Variants in ADCY1 observed in about 807,000 individuals in gnomAD.
The protein encoded by ADCY1 is adenylate cyclase type 1.
Under a neutral mutation model 105.4 loss-of-function variants are expected in ADCY1, and 28 were observed. The observed-to-expected ratio is 0.27, with a 90% CI of 0.20 to 0.36. The LOEUF (loss-of-function observed/expected upper bound fraction) is 0.36. ADCY1 is among the 10% of genes least tolerant of loss of function. The pLI, the probability that ADCY1 is intolerant of heterozygous loss-of-function variation, is 1.00. For synonymous variants in ADCY1, 655 were observed against 623.8 expected (o/e 1.05, Z -0.75); for missense variants, 977 against 1,434.2 (o/e 0.68, Z 5.15).
chr7:45,645,200 C>T (rs942481938), intron 4 of ADCY1, among the ~76,000 whole-genome samples: 2 of 152,134 alleles, frequency 1.3e-5, no homozygotes, highest in Non-Finnish European at 2.9e-5. Context: ...CCTTGGTCCT[C>T]ATGCAGAGAT....
rs371044603 is a variant in ADCY1, at chr7:45,654,326, A to AT, written c.1149-3396dup. Among the ~76,000 whole-genome samples the AT allele has an allele frequency of 4.9e-3, 750 of 152,332 alleles. 8 individuals carry two copies. Among genetic ancestry groups the AT allele is most frequent in the African/African-American group, 0.017 (719 of 41,586 alleles). On this transcript the variant is annotated intron_variant, in intron 5 of 19. Coordinates refer to ENST00000297323, the MANE Select transcript of ADCY1 (RefSeq NM_021116.4). Reference sequence around the variant, plus strand: ...ATGACCACCAAGTATGCAAGCCACCATTTTTGCTAAATAGACTCAATCCAG... The same window carrying AT: ...ATGACCACCAAGTATGCAAGCCACCATTTTTTGCTAAATAGACTCAATCCAG...
chr7:45,614,276 A>G (rs1793675060), intron 3 of ADCY1, among the ~76,000 whole-genome samples: 1 of 152,220 alleles, frequency 6.6e-6, no homozygotes, highest in Non-Finnish European at 1.5e-5. Context: ...TGAAGAAGTT[A>G]AAGTGTAGAG....
chr7:45,592,641 G>GT, intron 1 of ADCY1, 118 bp from the exon 2 acceptor site: 1 of 1,424,126 alleles, frequency 7.0e-7, no homozygotes, highest in Non-Finnish European at 9.6e-7. Context: ...TGCGCTGTGG[G>GT]TTTGGCCCGG....
rs56249139 is a variant in ADCY1, at chr7:45,686,746, C to T, written c.2454+73C>T. On this transcript the variant is annotated intron_variant, in intron 14 of 19. Coordinates refer to ENST00000297323, the MANE Select transcript of ADCY1 (RefSeq NM_021116.4). This position sits in a 1 kb window ranked among gnomAD's most constrained non-coding sequence, Gnocchi z 4.3. ...GAAGAAGTCTTCAGCAAGCATCTGA[C>T]GGGGGCTGCCACAGACACCCACACG... The T allele has an allele frequency of 1.9e-3, 2,852 of 1,521,684 alleles. 17 individuals carry two copies. In the Middle Eastern group the frequency reaches 0.029, roughly 15 times the overall value. 94.3% of individuals were successfully genotyped at this position (1,521,684 alleles called of 1,614,324 possible).
At chr7:45,646,842 G>A (rs1478767659) in intron 4 of ADCY1, among the ~76,000 whole-genome samples, 1 of 152,240 alleles carries the variant, frequency 6.6e-6, no homozygotes, top group African/African-American at 2.4e-5. Context: ...GACCCTGGAT[G>A]TCTTTGTACT....
intron 10 of ADCY1, among the ~76,000 whole-genome samples, chr7:45,678,829 T>C (rs1361872896): frequency 6.6e-6 from 1 of 151,936 alleles, no homozygotes; most frequent in African/African-American, 2.4e-5. Context: ...TAAGCTGCAG[T>C]GAGCTATGAT....
intron 14 of ADCY1, among the ~76,000 whole-genome samples, chr7:45,697,637 G>T (rs539891786): frequency 6.6e-6 from 1 of 152,100 alleles, no homozygotes; most frequent in Non-Finnish European, 1.5e-5. Context: ...TGATCTGCCC[G>T]CCTCAGCTTC....
chr7:45,686,532 C>A lies in ADCY1; in HGVS notation c.2328-15C>A. 6.2e-7 allele frequency: 1 copy of A among 1,603,132 alleles called. No homozygotes were observed. Among genetic ancestry groups the A allele is most frequent in the Non-Finnish European group, 8.5e-7 (1 of 1,173,470 alleles). ...CTCGGCACTGACTTGGCTTTTCTTC[C>A]TCATCTTCCCCCAGGGGTGGTGCCG... is the stretch of plus-strand genomic sequence containing the variant. On this transcript the variant is annotated splice_polypyrimidine_tract_variant and intron_variant, in intron 13 of 19. Coordinates refer to ENST00000297323, the MANE Select transcript of ADCY1 (RefSeq NM_021116.4). This position sits in a 1 kb window ranked among gnomAD's most constrained non-coding sequence, Gnocchi z 4.3.
At chr7:45,683,343 C>G (rs184376225) in intron 11 of ADCY1, among the ~76,000 whole-genome samples, 77 of 152,230 alleles carry the variant, frequency 5.1e-4, no homozygotes, top group African/African-American at 1.6e-3. Flanking sequence ...ATGACTACAT[C>G]TCACCATTTC....
At chr7:45,669,123 A>C (rs904757638) in intron 8 of ADCY1, among the ~76,000 whole-genome samples, 1 of 152,102 alleles carries the variant, frequency 6.6e-6, no homozygotes, top group Non-Finnish European at 1.5e-5. Flanking sequence ...TTGTGTCTCT[A>C]TCTCTTTCAG....
intron 17 of ADCY1, among the ~76,000 whole-genome samples, chr7:45,705,415 G>A (rs764377553): frequency 6.6e-6 from 1 of 152,132 alleles, no homozygotes; most frequent in Non-Finnish European, 1.5e-5. Context: ...GGCTGTTTTA[G>A]TATTCCAAAA....
At position 45,686,668 on chromosome 7, in the gene ADCY1, G is replaced by A. The variant is rs767070534; in HGVS notation, c.2449G>A (p.Ala817Thr). 7.5e-6 allele frequency: 12 copies of A among 1,604,800 alleles called. No homozygotes were observed. Among genetic ancestry groups the A allele is most frequent in the Middle Eastern group, 3.3e-4 (2 of 6,040 alleles). Residue 817 changes from alanine (A) to threonine (T), a missense_variant, in exon 14 of 20, where the codon GCA becomes ACA. Around this residue, in one of 7 missense-constraint regions of ADCY1, gnomAD observed 152 missense variants for 293.7 expected, o/e 0.52. Transcript: ENST00000297323. The surrounding 1 kb of genome is among the most constrained non-coding windows in gnomAD (Gnocchi z 4.3). Reference protein sequence around the residue: ...IRLRLDYLWAAQAEEEREDME... With the variant: ...IRLRLDYLWATQAEEEREDME... The stretch of plus-strand genomic sequence containing the variant: ...GCTGAGGCTGGACTACCTCTGGGCC[G>A]CACAGGCAAGACGAGCCCTTTCTGC...
chr7:45,650,315 CATT>C (rs951265515), intron 5 of ADCY1, among the ~76,000 whole-genome samples: 3 of 152,250 alleles, frequency 2.0e-5, no homozygotes, highest in Admixed American at 1.3e-4. Context: ...CATCATATCA[CATT>C]ATGTCATAAA....
chr7:45,577,313 G>A (rs1265743098), intron 1 of ADCY1, among the ~76,000 whole-genome samples: 1 of 152,222 alleles, frequency 6.6e-6, no homozygotes, highest in Non-Finnish European at 1.5e-5. Flanking sequence ...AAGTCCACGT[G>A]TCTATACAGG....
At chr7:45,642,766 C>T (rs1295409850) in intron 4 of ADCY1, among the ~76,000 whole-genome samples, 2 of 152,186 alleles carry the variant, frequency 1.3e-5, no homozygotes, top group African/African-American at 2.4e-5. Flanking sequence ...ATCCACATTG[C>T]ACCCAATGGT....
chr7:45,604,680 T>C lies in ADCY1; in HGVS notation c.790-5699T>C, dbSNP rs117987310. Among the ~76,000 whole-genome samples, 1,153 of 152,330 alleles carry C rather than the reference T, an allele frequency of 7.6e-3. 6 individuals are homozygous for C. The highest frequency in any genetic ancestry group is 0.011 in the Non-Finnish European group (736 of 68,008). ...TTCTAGATTCTGTTTTATTGTCTTA[T>C]GTGTTTATCTGGCAACCCACGTCAC... On this transcript the variant is annotated intron_variant, in intron 2 of 19. Transcript: ENST00000297323.
At chr7:45,590,117 C>A (rs1296494983) in intron 1 of ADCY1, among the ~76,000 whole-genome samples, 3 of 152,146 alleles carry the variant, frequency 2.0e-5, no homozygotes, top group African/African-American at 7.2e-5. Context: ...CCGCCAATCC[C>A]CCCAGCCTCC....
chr7:45,664,273 G>C, intron 8 of ADCY1: 1 of 1,535,862 alleles, frequency 6.5e-7, no homozygotes, highest in Non-Finnish European at 8.7e-7. Context: ...CCACACATCT[G>C]ATGCCTCTCC....
At chr7:45,634,125 G>C in intron 4 of ADCY1, among the ~76,000 whole-genome samples, 1 of 152,072 alleles carries the variant, frequency 6.6e-6, no homozygotes, top group East Asian at 1.9e-4. Flanking sequence ...ACTCATTTCT[G>C]GTAGGTTTCC....
Sources: gnomAD v4.1 joint callset for allele counts (sites outside exome capture counted in the v4.1 genomes callset) on GRCh38, gnomAD v4.1.1 for gene constraint, gnomAD v4.1.1 regional missense constraint, Gnocchi (gnomAD v3.1) non-coding constraint, MANE v1.5 for transcripts, NCBI Gene and HGNC (gene_info 2026-07-23, HGNC 2026-07-21) for gene names.